CUEDC1: variants seen among roughly 807,000 people sequenced by gnomAD.
CUEDC1 encodes CUE domain containing 1.
A neutral mutation model predicts 43.7 loss-of-function variants in CUEDC1; 30 were observed. That is an observed-to-expected ratio of 0.69 (90% CI 0.51 to 0.93). The LOEUF is 0.93. Among genes scored for constraint, CUEDC1 ranks in the 40% least tolerant of loss-of-function variants. The pLI, the probability that CUEDC1 is intolerant of heterozygous loss-of-function variation, is 0.00. For missense variants in CUEDC1, 486 were observed against 549.0 expected (o/e 0.89, Z 1.15); for synonymous variants, 223 against 223.6 (o/e 1.00, Z 0.02).
chr17:57,937,245 A>G (rs1185905165), intron 1 of CUEDC1, among the ~76,000 whole-genome samples: 1 of 152,198 alleles, frequency 6.6e-6, no homozygotes, highest in Admixed American at 6.5e-5. Context: ...TCCTCACAGT[A>G]ACCACACAAA....
chr17:57,899,376 C>T (rs1021356546), intron 1 of CUEDC1, among the ~76,000 whole-genome samples: 12 of 152,220 alleles, frequency 7.9e-5, no homozygotes, highest in Admixed American at 7.8e-4. Context: ...GTCCCCTCTC[C>T]TGCCCATCCA....
intron 1 of CUEDC1, among the ~76,000 whole-genome samples, chr17:57,927,023 G>A (rs1474431506): frequency 6.6e-6 from 1 of 152,218 alleles, no homozygotes; most frequent in African/African-American, 2.4e-5. Context: ...AGGCGCAGCT[G>A]GGGGAAACAG....
chr17:57,906,453 G>A (rs1053465437), intron 1 of CUEDC1, among the ~76,000 whole-genome samples: 1 of 152,234 alleles, frequency 6.6e-6, no homozygotes. Flanking sequence ...CAAGGACTCA[G>A]GGAAGAGGGA....
At chr17:57,869,229 G>A in intron 6 of CUEDC1, 36 bp from the exon 7 acceptor site, 1 of 1,587,414 alleles carries the variant, frequency 6.3e-7, no homozygotes, top group Non-Finnish European at 8.6e-7. Context: ...CGGCCACCGT[G>A]GCCAGCCATG....
At chr17:57,892,966 C>T (rs951883302) in intron 1 of CUEDC1, among the ~76,000 whole-genome samples, 11 of 152,254 alleles carry the variant, frequency 7.2e-5, no homozygotes, top group African/African-American at 2.4e-4. Flanking sequence ...TGCAACACCG[C>T]CTCTGTGCAA....
At chr17:57,881,022 G>C (rs548252225) in intron 2 of CUEDC1, among the ~76,000 whole-genome samples, 1 of 152,338 alleles carries the variant, frequency 6.6e-6, no homozygotes, top group South Asian at 2.1e-4. Context: ...AGGTGAGTTT[G>C]CAGAAGTCAC....
At chr17:57,875,718 G>C (rs2074114181) in intron 3 of CUEDC1, among the ~76,000 whole-genome samples, 1 of 152,062 alleles carries the variant, frequency 6.6e-6, no homozygotes, top group Non-Finnish European at 1.5e-5. Context: ...GGAGGGAGAA[G>C]CTGGGGAGGA....
At chr17:57,902,364 G>A (rs1374073025) in intron 1 of CUEDC1, among the ~76,000 whole-genome samples, 1 of 152,184 alleles carries the variant, frequency 6.6e-6, no homozygotes, top group Non-Finnish European at 1.5e-5. Context: ...GGTAGTGCTT[G>A]AACACTGCTT....
intron 3 of CUEDC1, among the ~76,000 whole-genome samples, chr17:57,876,769 C>T (rs1198016023): frequency 6.6e-6 from 1 of 152,176 alleles, no homozygotes; most frequent in Non-Finnish European, 1.5e-5. Flanking sequence ...GGGGAAGCCT[C>T]GCCCCTGGTC....
At chr17:57,933,620 T>C (rs2143169310) in intron 1 of CUEDC1, among the ~76,000 whole-genome samples, 1 of 152,296 alleles carries the variant, frequency 6.6e-6, no homozygotes, top group African/African-American at 2.4e-5. Context: ...CTGCCAGCTG[T>C]GGGGAAAGCT....
intron 1 of CUEDC1, among the ~76,000 whole-genome samples, chr17:57,943,908 A>G (rs2074937623): frequency 6.6e-6 from 1 of 152,210 alleles, no homozygotes; most frequent in Non-Finnish European, 1.5e-5. Flanking sequence ...TCAAACAAGA[A>G]CAGTAACAGT....
At chr17:57,941,059 A>G (rs548759797) in intron 1 of CUEDC1, among the ~76,000 whole-genome samples, 83 of 152,322 alleles carry the variant, frequency 5.4e-4, no homozygotes, top group African/African-American at 2.0e-3. Context: ...GTGTGGCTGT[A>G]GACAAGTGCT....
At chr17:57,948,276 C>T (rs1240936354) in intron 1 of CUEDC1, among the ~76,000 whole-genome samples, 3 of 152,132 alleles carry the variant, frequency 2.0e-5, no homozygotes, top group African/African-American at 7.2e-5. Flanking sequence ...TTCTGTATTC[C>T]AATACCAAGA....
At position 57,868,214 on chromosome 17, in the gene CUEDC1, G is replaced by A. The variant is rs763576008; in HGVS notation, c.970C>T (p.Arg324Ter). The change falls in exon 8 of 11, where the codon CGA (arginine) becomes TGA (stop). Residue 324 changes from arginine to a stop codon, truncating the protein, a stop_gained. Coordinates refer to ENST00000577830, the MANE Select transcript of CUEDC1 (RefSeq NM_001271875.2). LOFTEE classifies it high-confidence loss of function. ...STRRKLFELA[R>*]AFSEKTKMRK... ...ATTTTGGTCTTCTCTGAGAAGGCTC[G>A]GGCAAGTTCAAACAGTTTCCTCCGG... The A allele has an allele frequency of 3.7e-6, 6 of 1,614,196 alleles. No homozygotes were observed. Among genetic ancestry groups the A allele is most frequent in the Non-Finnish European group, 5.1e-6 (6 of 1,180,010 alleles).
intron 1 of CUEDC1, among the ~76,000 whole-genome samples, chr17:57,926,887 C>T (rs1042896863): frequency 6.6e-6 from 1 of 152,138 alleles, no homozygotes; most frequent in Admixed American, 6.5e-5. Context: ...CACACCGGGC[C>T]TCTTGGACCA....
intron 10 of CUEDC1, 58 bp downstream of exon 10, chr17:57,866,416 T>C (rs374531740): frequency 2.0e-5 from 30 of 1,527,468 alleles, no homozygotes; most frequent in Admixed American, 5.0e-5. Flanking sequence ...GTGGGGTGCA[T>C]AGTGTGGGGG....
chr17:57,924,145 T>C (rs1219378101), intron 1 of CUEDC1, among the ~76,000 whole-genome samples: 1 of 152,076 alleles, frequency 6.6e-6, no homozygotes, highest in Non-Finnish European at 1.5e-5. Context: ...CTCACTCTGT[T>C]GCCAGGCTGG....
chr17:57,915,669 C>T (rs991538506), intron 1 of CUEDC1, among the ~76,000 whole-genome samples: 1 of 152,176 alleles, frequency 6.6e-6, no homozygotes, highest in Non-Finnish European at 1.5e-5. Flanking sequence ...TCCTTGCCCA[C>T]GTGCCACAGC....
chr17:57,871,883 C>T (rs1422252052), intron 5 of CUEDC1, among the ~76,000 whole-genome samples: 1 of 152,242 alleles, frequency 6.6e-6, no homozygotes, highest in Non-Finnish European at 1.5e-5. Context: ...GAGATTGAGC[C>T]ACTGCACTTC....
Sources: gnomAD v4.1 joint callset for allele counts (sites outside exome capture counted in the v4.1 genomes callset) on GRCh38, gnomAD v4.1.1 for gene constraint, MANE v1.5 for transcripts, NCBI Gene and HGNC (gene_info 2026-07-23, HGNC 2026-07-21) for gene names.